Variants in ME3 observed in about 807,000 individuals in gnomAD.
The protein encoded by ME3 is malic enzyme 3, also known as NADP-dependent malic enzyme, mitochondrial.
ME3 carries 48 observed loss-of-function variants against 68.9 expected under a neutral mutation model. The ratio of observed to expected loss-of-function variants is 0.70; its 90% CI spans 0.55 to 0.89. The LOEUF (loss-of-function observed/expected upper bound fraction) is 0.89. ME3 is among the 40% of genes least tolerant of loss of function. The pLI is 0.00. For synonymous variants in ME3, 320 were observed against 318.8 expected (o/e 1.00, Z -0.04); for missense variants, 675 against 797.4 (o/e 0.85, Z 1.85).
intron 4 of ME3, among the ~76,000 whole-genome samples, chr11:86,524,699 AAGAG>A (rs1387823811): frequency 2.0e-5 from 3 of 152,202 alleles, no homozygotes; most frequent in African/African-American, 7.2e-5. Flanking sequence ...GGAATTTAAT[AAGAG>A]AGAACAGAAT....
intron 2 of ME3, among the ~76,000 whole-genome samples, chr11:86,659,788 C>G (rs990289470): frequency 1.3e-5 from 2 of 152,184 alleles, no homozygotes; most frequent in Non-Finnish European, 2.9e-5. Flanking sequence ...CTATCAGAAT[C>G]TCATGAGACT....
Position 86,544,941 on chromosome 11 carries a change from C to G in ME3, c.467+11612G>C, listed in dbSNP as rs11501841. ...CGATGAGGCAAAAATACTGGCAAACCAAATCCAGCAGCACATCAAAAAGCT... is the reference window on the plus strand; with the variant it reads ...CGATGAGGCAAAAATACTGGCAAACGAAATCCAGCAGCACATCAAAAAGCT... On this transcript the variant is annotated intron_variant, in intron 4 of 14. Transcript: ENST00000543262. 9.1e-3 allele frequency among the ~76,000 whole-genome samples: 1,387 copies of G among 152,194 alleles called. 26 individuals are homozygous for G. The highest frequency in any genetic ancestry group is 0.031 in the African/African-American group (1,301 of 41,506).
chr11:86,565,636 C>T (rs1484649502), intron 2 of ME3, among the ~76,000 whole-genome samples: 2 of 152,180 alleles, frequency 1.3e-5, no homozygotes, highest in African/African-American at 2.4e-5. Flanking sequence ...AAAAGGACAA[C>T]TCTAAATGGG....
At chr11:86,595,633 A>G (rs752245673) in intron 2 of ME3, among the ~76,000 whole-genome samples, 2 of 152,202 alleles carry the variant, frequency 1.3e-5, no homozygotes, top group Non-Finnish European at 2.9e-5. Flanking sequence ...TGCTGGCTCA[A>G]GGTCACAAAG....
intron 5 of ME3, among the ~76,000 whole-genome samples, chr11:86,508,468 A>G (rs1034159112): frequency 2.6e-5 from 4 of 152,140 alleles, no homozygotes; most frequent in Admixed American, 6.5e-5. Context: ...GCTACTCGAG[A>G]AGAGGGTCTA....
At chr11:86,450,156 C>T (rs1431989086) in intron 9 of ME3, 145 bp downstream of exon 9, 2 of 980,988 alleles carry the variant, frequency 2.0e-6, no homozygotes, top group Non-Finnish European at 3.1e-6. Context: ...ACCCAATTGT[C>T]AGAGCCTAGG....
At chr11:86,567,161 G>A (rs777546520) in intron 2 of ME3, among the ~76,000 whole-genome samples, 1 of 151,886 alleles carries the variant, frequency 6.6e-6, no homozygotes, top group Non-Finnish European at 1.5e-5. Flanking sequence ...AGGTTGCAGT[G>A]AGCCAAGATC....
At chr11:86,525,011 A>G (rs1299336255) in intron 4 of ME3, among the ~76,000 whole-genome samples, 1 of 152,194 alleles carries the variant, frequency 6.6e-6, no homozygotes, top group Non-Finnish European at 1.5e-5. Flanking sequence ...ATGATTGAGA[A>G]AAGATGTGTG....
intron 2 of ME3, among the ~76,000 whole-genome samples, chr11:86,665,183 CCCTG>C (rs1946516385): frequency 6.6e-6 from 1 of 152,166 alleles, no homozygotes; most frequent in African/African-American, 2.4e-5. Context: ...CAGACAAAGT[CCCTG>C]CCTAAGTGGA....
At chr11:86,482,968 G>GT (rs1037366907) in intron 7 of ME3, among the ~76,000 whole-genome samples, 34 of 152,196 alleles carry the variant, frequency 2.2e-4, no homozygotes, top group African/African-American at 8.2e-4. Flanking sequence ...ATTTAGGATG[G>GT]TTTTTTAACA....
intron 2 of ME3, among the ~76,000 whole-genome samples, chr11:86,630,415 C>A (rs1204347353): frequency 2.0e-5 from 3 of 152,140 alleles, no homozygotes; most frequent in African/African-American, 2.4e-5. Flanking sequence ...CTCCTGTATC[C>A]TTCATGATGT....
intron 2 of ME3, among the ~76,000 whole-genome samples, chr11:86,639,507 T>C (rs918546810): frequency 1.4e-5 from 2 of 141,432 alleles, no homozygotes; most frequent in African/African-American, 5.3e-5. Flanking sequence ...GTATCCAGGA[T>C]ATAAAATGAT....
At chr11:86,556,235 G>T (rs1036389999) in intron 4 of ME3, among the ~76,000 whole-genome samples, 4 of 152,196 alleles carry the variant, frequency 2.6e-5, no homozygotes, top group East Asian at 1.9e-4. Context: ...GTGACCAGAG[G>T]GGGTGAGAGA....
At chr11:86,559,844 A>T in intron 2 of ME3, 21 bp from the exon 3 acceptor site, 1 of 1,612,002 alleles carries the variant, frequency 6.2e-7, no homozygotes, top group Non-Finnish European at 8.5e-7. Context: ...CAGGAAAAGA[A>T]CACCCACACA....
At chr11:86,662,087 G>A (rs564598324) in intron 2 of ME3, among the ~76,000 whole-genome samples, 50 of 152,270 alleles carry the variant, frequency 3.3e-4, no homozygotes, top group Middle Eastern at 3.4e-3. Context: ...AAGCTAATCA[G>A]AAGTCCACAG....
In ME3 at chr11:86,602,643, G is replaced by C. The variant is rs550192444; in HGVS notation, c.184-42820C>G. 2.5e-3 allele frequency among the ~76,000 whole-genome samples: 380 copies of C among 152,238 alleles called. 2 individuals are homozygous for C. The highest frequency in any genetic ancestry group is 0.01 in the Middle Eastern group (3 of 294). On this transcript the variant is annotated intron_variant, in intron 2 of 14. Transcript: ENST00000543262. Reference sequence around the variant, plus strand: ...TGGAACCAAAAAAGAGCCCGCATCAGTAAGTCAATCCTAAGCCAAAAGAAC... The same window carrying C: ...TGGAACCAAAAAAGAGCCCGCATCACTAAGTCAATCCTAAGCCAAAAGAAC...
exon 4 of ME3, chr11:86,556,668 C>T (rs927375083): frequency 8.7e-6 from 14 of 1,614,164 alleles, no homozygotes; most frequent in Non-Finnish European, 1.1e-5. Flanking sequence ...AAGAGCTTCT[C>T]GTTCCGGTCT....
At chr11:86,514,834 G>C (rs1953781858) in intron 4 of ME3, among the ~76,000 whole-genome samples, 1 of 152,204 alleles carries the variant, frequency 6.6e-6, no homozygotes, top group South Asian at 2.1e-4. Context: ...AATGGTAGCT[G>C]TTAGTGTTGC....
intron 2 of ME3, among the ~76,000 whole-genome samples, chr11:86,620,981 T>C (rs1594695986): frequency 6.6e-6 from 1 of 152,234 alleles, no homozygotes; most frequent in East Asian, 1.9e-4. Flanking sequence ...AGTAATACAA[T>C]ACAGCCCAGG....
Sources: gnomAD v4.1 joint callset for allele counts (sites outside exome capture counted in the v4.1 genomes callset) on GRCh38, gnomAD v4.1.1 for gene constraint, MANE v1.5 for transcripts, NCBI Gene and HGNC (gene_info 2026-07-23, HGNC 2026-07-21) for gene names.